Variants in GRID2 observed in about 807,000 individuals in gnomAD.
The protein encoded by GRID2 is glutamate receptor ionotropic, delta-2.
A neutral mutation model predicts 114.8 loss-of-function variants in GRID2; 33 were observed. That is an observed-to-expected ratio of 0.29 (90% confidence interval 0.22 to 0.38). The LOEUF (loss-of-function observed/expected upper bound fraction) is 0.38. Ranked by LOEUF, GRID2 falls within the 10% of genes least tolerant of loss-of-function variation. The pLI is 1.00. For synonymous variants in GRID2, 505 were observed against 449.9 expected, an observed-to-expected ratio of 1.12 and a Z score of -1.55; for missense variants, 1,184 against 1,257.7, an observed-to-expected ratio of 0.94 and a Z score of 0.89.
At chr4:93,497,264 G>T (rs1413366948) in intron 12 of GRID2, among the ~76,000 whole-genome samples, 1 of 151,644 alleles carries the variant, frequency 6.6e-6, no homozygotes, top group African/African-American at 2.4e-5. Flanking sequence ...CAGACACAAA[G>T]GCTTTGTCAT....
intron 14 of GRID2, among the ~76,000 whole-genome samples, chr4:93,714,611 A>G (rs1242610733): frequency 1.3e-5 from 2 of 152,144 alleles, no homozygotes; most frequent in African/African-American, 2.4e-5. Flanking sequence ...TGACTTTTTA[A>G]TAATAGCCAT....
intron 2 of GRID2, among the ~76,000 whole-genome samples, chr4:92,653,890 T>A (rs935900224): frequency 9.9e-5 from 15 of 152,138 alleles, no homozygotes; most frequent in African/African-American, 3.6e-4. Flanking sequence ...ACTTTTTGGC[T>A]ATTAGGATGG....
intron 1 of GRID2, among the ~76,000 whole-genome samples, chr4:92,585,780 A>C (rs1728406410): frequency 6.6e-6 from 1 of 151,886 alleles, no homozygotes; most frequent in African/African-American, 2.4e-5. Flanking sequence ...ATAAGACACA[A>C]AATTTTCAAT....
chr4:92,765,762 G>A (rs1488427469), intron 2 of GRID2, among the ~76,000 whole-genome samples: 1 of 152,154 alleles, frequency 6.6e-6, no homozygotes, highest in African/African-American at 2.4e-5. Flanking sequence ...GTCTGGTGGT[G>A]CCCTCACTTT....
intron 2 of GRID2, among the ~76,000 whole-genome samples, chr4:92,964,462 A>G (rs190970883): frequency 7.0e-4 from 106 of 152,152 alleles, no homozygotes; most frequent in African/African-American, 2.5e-3. Flanking sequence ...TGACAGGTTG[A>G]TGGGTGCCAC....
chr4:92,419,988 A>G lies in GRID2; in HGVS notation c.88+115244A>G, dbSNP rs142563882. On this transcript the variant is annotated intron_variant, in intron 1 of 15. Coordinates refer to ENST00000282020, the MANE Select transcript of GRID2 (RefSeq NM_001510.4). The stretch of plus-strand genomic sequence containing the variant: ...AGTTTCTTAGTCATTATTATAAAGT[A>G]TGATATTTTCAGCATGAATTAGAAC... 1.8e-3 allele frequency among the ~76,000 whole-genome samples: 272 copies of G among 152,288 alleles called. 1 individual carries two copies. The highest frequency in any genetic ancestry group is 3.1e-3 in the Non-Finnish European group (208 of 68,010).
chr4:92,359,630 C>A (rs1728518338), intron 1 of GRID2, among the ~76,000 whole-genome samples: 1 of 151,942 alleles, frequency 6.6e-6, no homozygotes, highest in Admixed American at 6.6e-5. Flanking sequence ...AGCCCCTCAA[C>A]ACTAGGGAAT....
At chr4:93,298,710 G>A (rs868783303) in intron 8 of GRID2, among the ~76,000 whole-genome samples, 27 of 152,176 alleles carry the variant, frequency 1.8e-4, no homozygotes, top group African/African-American at 6.3e-4. Context: ...TCCCCTTACT[G>A]TTCCTCCTCC....
At chr4:93,106,458 T>A (rs888183607) in intron 3 of GRID2, among the ~76,000 whole-genome samples, 11 of 152,186 alleles carry the variant, frequency 7.2e-5, no homozygotes, top group African/African-American at 2.7e-4. Context: ...GCGATTCTCC[T>A]GTTTCAGCCT....
At chr4:93,042,200 G>T (rs1186976455) in intron 2 of GRID2, among the ~76,000 whole-genome samples, 1 of 150,168 alleles carries the variant, frequency 6.7e-6, no homozygotes, top group East Asian at 2.0e-4. Flanking sequence ...ACTGCACCCG[G>T]CCGAAATATA....
intron 2 of GRID2, among the ~76,000 whole-genome samples, chr4:92,952,800 C>A (rs947543686): frequency 6.6e-5 from 10 of 152,106 alleles, no homozygotes; most frequent in Non-Finnish European, 1.0e-4. Context: ...TGAATGTATT[C>A]GTTTCCTACG....
chr4:92,444,210 G>T (rs1049767591), intron 1 of GRID2, among the ~76,000 whole-genome samples: 1 of 152,166 alleles, frequency 6.6e-6, no homozygotes, highest in Non-Finnish European at 1.5e-5. Context: ...AAATTCATGC[G>T]CGTCTGTGTG....
chr4:92,602,734 T>A (rs1729276833), intron 2 of GRID2, among the ~76,000 whole-genome samples: 1 of 152,150 alleles, frequency 6.6e-6, no homozygotes, highest in South Asian at 2.1e-4. Flanking sequence ...AAATAAAGGT[T>A]ATTCAAATAG....
chr4:93,394,580 A>G (rs1360596584), intron 8 of GRID2, among the ~76,000 whole-genome samples: 1 of 151,936 alleles, frequency 6.6e-6, no homozygotes, highest in Admixed American at 6.6e-5. Context: ...ATAAATCACA[A>G]TCATCAGGAG....
intron 2 of GRID2, among the ~76,000 whole-genome samples, chr4:92,853,321 A>G (rs1244574451): frequency 1.3e-5 from 2 of 152,100 alleles, no homozygotes; most frequent in African/African-American, 4.8e-5. Flanking sequence ...TATAAACACA[A>G]TAAATGTTTG....
chr4:93,297,880 G>C (rs1754481691), intron 8 of GRID2, among the ~76,000 whole-genome samples: 1 of 152,086 alleles, frequency 6.6e-6, no homozygotes, highest in Non-Finnish European at 1.5e-5. Context: ...AAATCAGATG[G>C]AGCATACATA....
chr4:92,325,028 T>C (rs899245061), intron 1 of GRID2, among the ~76,000 whole-genome samples: 1 of 151,942 alleles, frequency 6.6e-6, no homozygotes, highest in Non-Finnish European at 1.5e-5. Flanking sequence ...TCTTTGTGCA[T>C]GCACAACTGA....
intron 2 of GRID2, among the ~76,000 whole-genome samples, chr4:92,597,159 A>C (rs1375780783): frequency 6.6e-6 from 1 of 152,102 alleles, no homozygotes; most frequent in African/African-American, 2.4e-5. Context: ...TCACAGTTCC[A>C]CATGGCTGAG....
At chr4:93,612,620 A>G (rs1165761141) in intron 13 of GRID2, among the ~76,000 whole-genome samples, 6 of 97,106 alleles carry the variant, frequency 6.2e-5, no homozygotes, top group Non-Finnish European at 1.3e-4. Flanking sequence ...TCTTTTCTTT[A>G]AGAATGTTGA....
Sources: allele counts gnomAD v4.1 joint callset (sites outside exome capture counted in the v4.1 genomes callset), GRCh38; gene constraint gnomAD v4.1.1; transcripts MANE v1.5; gene names NCBI Gene and HGNC (gene_info 2026-07-23, HGNC 2026-07-21).